Variants in PSG8 observed in about 807,000 individuals in gnomAD.
PSG8 encodes pregnancy specific beta-1-glycoprotein 8.
In PSG8, 57 loss-of-function variants were observed where a neutral mutation model predicts 42.5. The ratio of observed to expected loss-of-function variants is 1.34; its 90% CI spans 1.08 to 1.67. PSG8 has a LOEUF of 1.67. Ranked by LOEUF, PSG8 falls within the 40% of genes most tolerant of loss-of-function variation. PSG8 has a pLI of 0.00. For synonymous variants in PSG8, 280 were observed against 196.8 expected (o/e 1.42, Z -3.54); for missense variants, 783 against 518.6 (o/e 1.51, Z -4.95).
chr19:42,756,210 AT>A (rs771466762), intron 3 of PSG8: 1 of 152,194 alleles, frequency 6.6e-6, no homozygotes, highest in Non-Finnish European at 1.5e-5. Flanking sequence ...TTCACTGGAC[AT>A]TCTACTCTCT....
intron 4 of PSG8, 102 bp from the exon 5 acceptor site, chr19:42,754,689 C>T (rs1600405515): frequency 1.4e-6 from 2 of 1,414,624 alleles, no homozygotes; most frequent in East Asian, 4.7e-5. Context: ...AAGACACACC[C>T]TCAAGTCCCA....
At chr19:42,754,901 G>A (rs1969878540) in intron 4 of PSG8, 87 bp downstream of exon 4, 1 of 1,569,400 alleles carries the variant, frequency 6.4e-7, no homozygotes, top group Admixed American at 1.8e-5. Flanking sequence ...GTCTATACTT[G>A]GACCAGAGAG....
rs1600406198 is a variant in PSG8, at chr19:42,755,020, A to G, written c.956T>C (p.Ile319Thr). The change falls in exon 4 of 5, where the codon ATC becomes ACC. Residue 319 changes from isoleucine (I) to threonine (T), a missense_variant. Physicochemically the swap from Ile to Thr is moderately conservative, Grantham distance 89. Coordinates refer to ENST00000306511, the MANE Select transcript of PSG8 (RefSeq NM_182707.3). The stretch of plus-strand genomic sequence containing the variant: ...ATTCAGGGTGACTGGGTAACTGCGG[A>G]TGCCACCATATTGGTCCCTTATTTC... The part of the protein sequence containing the change: ...QCEIRDQYGG[I>T]RSYPVTLNVL... 1 of 1,613,426 alleles carries G rather than the reference A, an allele frequency of 6.2e-7. No individual in the cohort carries two copies. Among genetic ancestry groups the G allele is most frequent in the Non-Finnish European group, 8.5e-7 (1 of 1,179,790 alleles).
downstream of PSG8, among the ~76,000 whole-genome samples, chr19:42,753,566 A>G (rs1969834049): frequency 6.6e-6 from 1 of 152,214 alleles, no homozygotes; most frequent in African/African-American, 2.4e-5. Flanking sequence ...CTGATTGTTT[A>G]CATAAGTGCA....
chr19:42,764,219 T>G lies in PSG8; in HGVS notation c.127A>C (p.Thr43Pro), dbSNP rs141761918. The G allele has an allele frequency of 1.9e-4, 305 of 1,613,828 alleles. 4 individuals are homozygous for G. The highest frequency in any genetic ancestry group is 2.3e-4 in the Admixed American group (14 of 60,006). Residue 43 changes from threonine to proline, a missense_variant, in exon 2 of 5, where the codon ACC (threonine) becomes CCC (proline). Transcript: ENST00000306511. ...TAQVTIEAQP[T>P]KVSEGKDVLL... ...ACATCCTTCCCCTCAGAAACTTTGG[T>G]TGGCTGGGCTTCAATCGTGACTTGG...
At chr19:42,753,472 C>T (rs1455658450), downstream of PSG8, 1 of 732,514 alleles carries the variant, frequency 1.4e-6, no homozygotes, top group African/African-American at 1.7e-5. Flanking sequence ...ATTTTTCTCT[C>T]TATGGGCATC....
intron 2 of PSG8, among the ~76,000 whole-genome samples, chr19:42,759,162 T>G (rs1017322191): frequency 3.3e-5 from 5 of 152,084 alleles, no homozygotes; most frequent in Admixed American, 2.6e-4. Flanking sequence ...ACCATATGTG[T>G]TTGGTGGATA....
downstream of PSG8, chr19:42,753,078 G>A: frequency 3.3e-6 from 2 of 608,972 alleles, no homozygotes; most frequent in Non-Finnish European, 5.9e-6. Flanking sequence ...TAAGAGGGGT[G>A]AGAGCCTCAT....
chr19:42,757,882 G>C (rs1489062899), intron 3 of PSG8, 120 bp downstream of exon 3: 26 of 1,607,412 alleles, frequency 1.6e-5, no homozygotes, highest in South Asian at 3.3e-5. Flanking sequence ...TCATGGCCAG[G>C]TTTGATGTCC....
At chr19:42,753,194 C>G (rs1018027052), downstream of PSG8, 1 of 757,602 alleles carries the variant, frequency 1.3e-6, no homozygotes, top group African/African-American at 1.7e-5. Context: ...GTTATGGTGT[C>G]GAACATTTTA....
At chr19:42,760,294 G>A (rs553986338) in intron 2 of PSG8, among the ~76,000 whole-genome samples, 2 of 152,232 alleles carry the variant, frequency 1.3e-5, no homozygotes, top group Admixed American at 6.5e-5. Context: ...CCATCAGATA[G>A]CACCCACCTG....
At chr19:42,756,305 G>A (rs1397755087) in intron 3 of PSG8, among the ~76,000 whole-genome samples, 1 of 152,208 alleles carries the variant, frequency 6.6e-6, no homozygotes, top group Non-Finnish European at 1.5e-5. Flanking sequence ...GTTGCCAGGA[G>A]CTGGGAGTGG....
chr19:42,763,075 A>G (rs1970117535), intron 2 of PSG8, among the ~76,000 whole-genome samples: 1 of 152,166 alleles, frequency 6.6e-6, no homozygotes, highest in Non-Finnish European at 1.5e-5. Flanking sequence ...TAAATGTTAA[A>G]TGATTCACAG....
At chr19:42,760,441 G>C (rs560345742) in intron 2 of PSG8, among the ~76,000 whole-genome samples, 14 of 152,176 alleles carry the variant, frequency 9.2e-5, no homozygotes, top group African/African-American at 3.4e-4. Flanking sequence ...TTGAAATGTT[G>C]TTCCACTTTT....
At chr19:42,752,889 T>C (rs1354333291), downstream of PSG8, 17 of 251,618 alleles carry the variant, frequency 6.8e-5, no homozygotes, top group East Asian at 3.4e-4. Context: ...TTCATTTCTA[T>C]TGGGAGTCCT....
At chr19:42,758,718 G>A (rs1036149069) in intron 2 of PSG8, 10 of 198,460 alleles carry the variant, frequency 5.0e-5, no homozygotes, top group Admixed American at 2.1e-4. Flanking sequence ...CTAGAGATGG[G>A]TGATGGAACT....
At chr19:42,755,543 C>G (rs1175608983) in intron 3 of PSG8, 42 of 695,324 alleles carry the variant, frequency 6.0e-5, no homozygotes, top group Non-Finnish European at 9.1e-5. Context: ...GTCACAGCCC[C>G]TGGTATCCCT....
At chr19:42,755,485 T>A in intron 3 of PSG8, 1 of 1,030,550 alleles carries the variant, frequency 9.7e-7, no homozygotes, top group Non-Finnish European at 1.4e-6. Context: ...CTTTCTCAAG[T>A]GTCAATTGAG....
chr19:42,763,884 C>A (rs1970139293), intron 2 of PSG8, 32 bp downstream of exon 2: 2 of 1,613,500 alleles, frequency 1.2e-6, no homozygotes, highest in African/African-American at 2.7e-5. Flanking sequence ...CCCCTGTCCC[C>A]CAACACCCAG....
Sources: allele counts gnomAD v4.1 joint callset (sites outside exome capture counted in the v4.1 genomes callset), GRCh38; gene constraint gnomAD v4.1.1; transcripts MANE v1.5; gene names NCBI Gene and HGNC (gene_info 2026-07-23, HGNC 2026-07-21).